Variants in LARGE1 observed in about 807,000 individuals in gnomAD.
The protein encoded by LARGE1 is LARGE xylosyl- and glucuronyltransferase 1.
Under a neutral mutation model 87.6 loss-of-function variants are expected in LARGE1, and 43 were observed. The observed-to-expected ratio is 0.49, with a 90% CI of 0.38 to 0.63. LARGE1 has a LOEUF of 0.63. Ranked by LOEUF, LARGE1 falls within the 30% of genes least tolerant of loss-of-function variation. The pLI is 0.00. For synonymous variants in LARGE1, 434 were observed against 394.6 expected (o/e 1.10, Z -1.18); for missense variants, 802 against 1,000.2 (o/e 0.80, Z 2.67).
chr22:33,473,495 A>G lies in LARGE1; in HGVS notation c.788-41230T>C, dbSNP rs183841616. Among the ~76,000 whole-genome samples, 486 of 152,210 alleles carry G rather than the reference A, an allele frequency of 3.2e-3. 3 individuals are homozygous for G. The highest frequency in any genetic ancestry group is 0.021 in the South Asian group (103 of 4,820). On this transcript the variant is annotated intron_variant, in intron 6 of 14. Transcript: ENST00000397394. Reference sequence around the variant, plus strand: ...CTCCTGAGCAGCTGGGACTAGGGGCACATGCCACCACCATGCCCAGCTAAT... The same window carrying G: ...CTCCTGAGCAGCTGGGACTAGGGGCGCATGCCACCACCATGCCCAGCTAAT...
intron 11 of LARGE1, among the ~76,000 whole-genome samples, chr22:33,206,307 G>A (rs920464157): frequency 2.0e-5 from 3 of 151,554 alleles, no homozygotes; most frequent in African/African-American, 7.3e-5. Context: ...GGCCAGGCTG[G>A]TCTCGAACCC....
At chr22:33,826,250 T>C (rs1056022535) in intron 1 of LARGE1, among the ~76,000 whole-genome samples, 1 of 152,082 alleles carries the variant, frequency 6.6e-6, no homozygotes, top group African/African-American at 2.4e-5. Flanking sequence ...TTCTGATAAG[T>C]GCCAGCATTC....
At chr22:33,683,107 T>C (rs1043629650) in intron 2 of LARGE1, among the ~76,000 whole-genome samples, 1 of 152,238 alleles carries the variant, frequency 6.6e-6, no homozygotes, top group Non-Finnish European at 1.5e-5. Context: ...TGGTAATAAA[T>C]TGACTTGACT....
chr22:33,291,891 G>C (rs1260689803), intron 12 of LARGE1, among the ~76,000 whole-genome samples: 9 of 152,062 alleles, frequency 5.9e-5, no homozygotes, highest in Admixed American at 5.9e-4. Context: ...TCAGGGGTTA[G>C]ACACCAGCTT....
At chr22:33,658,253 G>T (rs1402418834) in intron 2 of LARGE1, among the ~76,000 whole-genome samples, 1 of 152,156 alleles carries the variant, frequency 6.6e-6, no homozygotes, top group Non-Finnish European at 1.5e-5. Flanking sequence ...ATCTCTGGAG[G>T]TGGGGGTCTA....
At chr22:33,601,111 A>G (rs1175009496) in intron 5 of LARGE1, among the ~76,000 whole-genome samples, 1 of 152,170 alleles carries the variant, frequency 6.6e-6, no homozygotes, top group Non-Finnish European at 1.5e-5. Context: ...TCTAGCTCAG[A>G]GCAGTAGGAA....
intron 6 of LARGE1, among the ~76,000 whole-genome samples, chr22:33,523,535 TC>T (rs1377004892): frequency 4.6e-5 from 7 of 152,216 alleles, no homozygotes; most frequent in African/African-American, 7.2e-5. Context: ...GCAAACATTT[TC>T]CTCTTGGAAA....
At position 33,282,202 on chromosome 22, in the gene LARGE1, G is replaced by A. The variant is rs144785034; in HGVS notation, c.1877+1000C>T. ...TCTACTAAAAAATACAAAATTTGCC[G>A]GGCATGGTGGCACATGCCTGTAATC... On this transcript the variant is annotated intron_variant, in intron 13 of 14. Coordinates refer to ENST00000397394, the MANE Select transcript of LARGE1 (RefSeq NM_133642.5). Among the ~76,000 whole-genome samples the A allele has an allele frequency of 3.9e-3, 594 of 152,214 alleles. 2 individuals are homozygous for A. Among genetic ancestry groups the A allele is most frequent in the Middle Eastern group, 0.024 (7 of 294 alleles).
At chr22:33,316,310 T>C in intron 10 of LARGE1, 62 bp from the exon 11 acceptor site, 1 of 1,562,196 alleles carries the variant, frequency 6.4e-7, no homozygotes. Flanking sequence ...CCCATGAGCT[T>C]GCCCCTTGAG....
intron 13 of LARGE1, among the ~76,000 whole-genome samples, chr22:33,282,410 A>T (rs1271295151): frequency 2.0e-5 from 3 of 152,210 alleles, no homozygotes; most frequent in Non-Finnish European, 4.4e-5. Flanking sequence ...AGGCAGACGT[A>T]CCAGCCCTCT....
chr22:33,594,212 C>A (rs1317787052), intron 5 of LARGE1, among the ~76,000 whole-genome samples: 2 of 152,134 alleles, frequency 1.3e-5, no homozygotes, highest in Non-Finnish European at 2.9e-5. Context: ...GTATACAATT[C>A]CTTTTGGTGC....
At chr22:33,425,823 G>A (rs573540159) in intron 7 of LARGE1, among the ~76,000 whole-genome samples, 178 of 152,188 alleles carry the variant, frequency 1.2e-3, no homozygotes, top group Non-Finnish European at 2.3e-3. Flanking sequence ...TGCAACCTCC[G>A]CCTTCTAGGT....
At chr22:33,108,490 G>A in the LARGE1 span, 1 of 152,138 alleles carries the variant, frequency 6.6e-6, no homozygotes, top group Non-Finnish European at 1.5e-5. Flanking sequence ...CACAAGTAAT[G>A]ACATGAACAG....
chr22:33,134,354 G>C, the LARGE1 span, among the ~76,000 whole-genome samples: 1 of 150,904 alleles, frequency 6.6e-6, no homozygotes, highest in Admixed American at 6.6e-5. Context: ...CGCCTCCCGG[G>C]TTCACGCCAT....
At chr22:33,892,130 A>T (rs1214547264) in intron 1 of LARGE1, among the ~76,000 whole-genome samples, 2 of 152,186 alleles carry the variant, frequency 1.3e-5, no homozygotes, top group Non-Finnish European at 2.9e-5. Flanking sequence ...CATGTTAGCA[A>T]CCCACCACAT....
intron 3 of LARGE1, among the ~76,000 whole-genome samples, chr22:33,632,754 C>T (rs1460112006): frequency 6.6e-6 from 1 of 152,178 alleles, no homozygotes; most frequent in African/African-American, 2.4e-5. Context: ...AAAGAAAGCA[C>T]AGAAGACTTT....
chr22:33,474,262 C>T (rs1053731358), intron 6 of LARGE1, among the ~76,000 whole-genome samples: 1 of 152,154 alleles, frequency 6.6e-6, no homozygotes, highest in Admixed American at 6.5e-5. Context: ...CTCCCAGGTT[C>T]AAGTGATTCT....
intron 11 of LARGE1, among the ~76,000 whole-genome samples, chr22:33,169,371 G>A (rs899598792): frequency 4.6e-5 from 7 of 152,014 alleles, no homozygotes; most frequent in African/African-American, 7.3e-5. Flanking sequence ...GCTTGATGTG[G>A]GTTGCAACTA....
intron 1 of LARGE1, among the ~76,000 whole-genome samples, chr22:33,884,736 C>T (rs185159055): frequency 5.1e-4 from 78 of 152,316 alleles, no homozygotes; most frequent in Non-Finnish European, 8.5e-4. Flanking sequence ...TAGTGGCATG[C>T]GTGCACTTAC....
Sources: gnomAD v4.1 joint callset for allele counts (sites outside exome capture counted in the v4.1 genomes callset) on GRCh38, gnomAD v4.1.1 for gene constraint, MANE v1.5 for transcripts, NCBI Gene and HGNC (gene_info 2026-07-23, HGNC 2026-07-21) for gene names.